The following PUS10 variants were observed in gnomAD, a reference collection of about 807,000 sequenced individuals.
PUS10 encodes tRNA pseudouridine synthase Pus10.
Under a neutral mutation model 75.0 loss-of-function variants are expected in PUS10, and 59 were observed. The ratio of observed to expected loss-of-function variants is 0.79; its 90% CI spans 0.64 to 0.98. The LOEUF (loss-of-function observed/expected upper bound fraction) is 0.98. Among genes scored for constraint, PUS10 ranks in the 50% least tolerant of loss-of-function variants. PUS10 has a pLI of 0.00. For missense variants in PUS10, 650 were observed against 614.4 expected, an observed-to-expected ratio of 1.06 and a Z score of -0.61; for synonymous variants, 219 against 211.6, an observed-to-expected ratio of 1.03 and a Z score of -0.30.
intron 4 of PUS10, among the ~76,000 whole-genome samples, chr2:60,987,462 A>G (rs1677793058): frequency 6.6e-6 from 1 of 152,178 alleles, no homozygotes; most frequent in Non-Finnish European, 1.5e-5. Flanking sequence ...AGGAAGAAGA[A>G]AAAAGGAACC....
chr2:60,986,050 T>G (rs1201677197), intron 4 of PUS10, among the ~76,000 whole-genome samples: 1 of 151,958 alleles, frequency 6.6e-6, no homozygotes, highest in African/African-American at 2.4e-5. Context: ...TTTGAATGGG[T>G]TGGGGAGGAT....
chr2:60,998,268 T>C (rs568543623), intron 4 of PUS10, among the ~76,000 whole-genome samples: 1 of 152,220 alleles, frequency 6.6e-6, no homozygotes, highest in Admixed American at 6.5e-5. Flanking sequence ...AGTATGTGCA[T>C]TTTTAGGACA....
intron 15 of PUS10, among the ~76,000 whole-genome samples, chr2:60,949,859 C>T (rs1054971557): frequency 5.9e-5 from 9 of 152,090 alleles, no homozygotes; most frequent in Non-Finnish European, 7.4e-5. Context: ...CTCAAGCAAT[C>T]CTCCTGCCTT....
intron 4 of PUS10, 98 bp downstream of exon 4, chr2:61,006,459 A>G: frequency 1.1e-6 from 1 of 893,556 alleles, no homozygotes. Context: ...CAAAATGTAA[A>G]AAATATAATA....
chr2:60,957,874 G>A (rs1675779336), intron 11 of PUS10, among the ~76,000 whole-genome samples: 1 of 152,260 alleles, frequency 6.6e-6, no homozygotes, highest in South Asian at 2.1e-4. Flanking sequence ...GACTCAGTAG[G>A]TTTGGTGCAC....
rs535729756 is a variant in PUS10 at position 61,005,742 on chromosome 2, A to G, written c.468+815T>C. ...CTTGTCAGCAACACAGATACTATAT[A>G]AAATCATTCTACCCTTTTTCGTTTC... On this transcript the variant is annotated intron_variant, in intron 4 of 17. Transcript: ENST00000316752. Among the ~76,000 whole-genome samples the G allele has an allele frequency of 3.9e-5, 6 of 152,328 alleles. 1 individual carries two copies. The highest frequency in any genetic ancestry group is 1.4e-4 in the African/African-American group (6 of 41,574).
chr2:61,010,574 C>T, intron 2 of PUS10: 1 of 410,026 alleles, frequency 2.4e-6, no homozygotes, highest in Non-Finnish European at 4.4e-6. Context: ...ATCCACCCGC[C>T]TCGGCCTCCC....
intron 1 of PUS10, among the ~76,000 whole-genome samples, chr2:61,016,729 T>G (rs1224869277): frequency 6.6e-6 from 1 of 152,128 alleles, no homozygotes; most frequent in East Asian, 1.9e-4. Flanking sequence ...CTTGGACGAT[T>G]ACAAAAACCA....
intron 3 of PUS10, among the ~76,000 whole-genome samples, chr2:61,007,387 A>C (rs1679286513): frequency 6.6e-6 from 1 of 152,074 alleles, no homozygotes; most frequent in African/African-American, 2.4e-5. Flanking sequence ...ACTTGAGCCC[A>C]GAGGTGGAGG....
rs979495776 is a variant in PUS10 at position 61,017,704 on chromosome 2, C to T, written c.-16+304G>A. 35 of 1,414,740 alleles carry T rather than the reference C, an allele frequency of 2.5e-5. No homozygotes were observed. The South Asian group carries it at 3.6e-4, about 15-fold the overall frequency. 87.6% of individuals were successfully genotyped at this position (1,414,740 alleles called of 1,614,324 possible). On this transcript the variant is annotated intron_variant, in intron 1 of 17. Coordinates refer to ENST00000316752, the MANE Select transcript of PUS10 (RefSeq NM_144709.4). ...TGTGTCTTACGCTCCAGGTGCTGGT[C>T]TACGCGGGCCTGGACAGTCAGGGGT...
Position 61,003,658 on chromosome 2 carries a change from C to T in PUS10, c.468+2899G>A, listed in dbSNP as rs538419993. 1.1e-3 allele frequency among the ~76,000 whole-genome samples: 164 copies of T among 151,174 alleles called. 4 individuals are homozygous for T. In the South Asian group the frequency reaches 0.033, roughly 30 times the overall value. On this transcript the variant is annotated intron_variant, in intron 4 of 17. Coordinates refer to ENST00000316752, the MANE Select transcript of PUS10 (RefSeq NM_144709.4). Reference sequence around the variant, plus strand: ...CCCCCAGGTCCAAGCAATCCCCCCACCTTGGTCTCCAGGGTAGCTGGGACT... The same window carrying T: ...CCCCCAGGTCCAAGCAATCCCCCCATCTTGGTCTCCAGGGTAGCTGGGACT...
At chr2:60,949,912 C>T (rs1675231387) in intron 15 of PUS10, among the ~76,000 whole-genome samples, 1 of 152,224 alleles carries the variant, frequency 6.6e-6, no homozygotes, top group African/African-American at 2.4e-5. Flanking sequence ...GCCACTGCCC[C>T]TGGCCTCAGC....
Position 60,951,551 on chromosome 2 carries a change from C to T in PUS10, c.1308+1446G>A, listed in dbSNP as rs80129497. 4.1e-3 allele frequency among the ~76,000 whole-genome samples: 631 copies of T among 152,224 alleles called. 7 individuals are homozygous for T. The highest frequency in any genetic ancestry group is 0.014 in the African/African-American group (583 of 41,526). On this transcript the variant is annotated intron_variant, in intron 15 of 17. Transcript: ENST00000316752. ...TAAGGAGCATGCAACCTAGATCCCT[C>T]GCACGTGTCATTTCCACGAGGGTTC...
intron 17 of PUS10, among the ~76,000 whole-genome samples, chr2:60,943,482 A>C (rs1337596190): frequency 6.6e-6 from 1 of 151,882 alleles, no homozygotes; most frequent in African/African-American, 2.4e-5. Flanking sequence ...AAAAAAAAAA[A>C]AAAACCCACC....
chr2:61,002,533 C>T (rs923812737), intron 4 of PUS10, among the ~76,000 whole-genome samples: 9 of 152,160 alleles, frequency 5.9e-5, no homozygotes, highest in South Asian at 2.1e-4. Flanking sequence ...CCGCAACCTC[C>T]GCCTCCTGGG....
At position 60,967,470 on chromosome 2, in the gene PUS10, G is replaced by A. The variant is rs780024371; in HGVS notation, c.615+32C>T. The A allele has an allele frequency of 1.5e-5, 21 of 1,383,450 alleles. No individual in the cohort carries two copies. In the African/African-American group the frequency reaches 2.9e-4, roughly 19 times the overall value. 85.7% of individuals were successfully genotyped at this position (1,383,450 alleles called of 1,614,324 possible). ...ATTAAGTAAAACTAGTAAAATCAGA[G>A]AATAAAATTAACAATGCTGTTGACC... On this transcript the variant is annotated intron_variant, in intron 6 of 17. Coordinates refer to ENST00000316752, the MANE Select transcript of PUS10 (RefSeq NM_144709.4).
chr2:61,013,865 A>T (rs1261190968), intron 1 of PUS10, among the ~76,000 whole-genome samples: 2 of 151,990 alleles, frequency 1.3e-5, no homozygotes, highest in African/African-American at 4.8e-5. Flanking sequence ...TCTCTACTAA[A>T]AATACAAAAA....
chr2:60,965,831 C>T (rs1428954853), intron 6 of PUS10: 1 of 169,462 alleles, frequency 5.9e-6, no homozygotes, highest in Non-Finnish European at 1.2e-5. Flanking sequence ...AATTATTCTG[C>T]CAATACTATG....
chr2:61,004,759 T>G (rs1003849771), intron 4 of PUS10, among the ~76,000 whole-genome samples: 2 of 152,174 alleles, frequency 1.3e-5, no homozygotes, highest in Non-Finnish European at 1.5e-5. Flanking sequence ...TGTACTTTCT[T>G]GAATTTTTAT....
Sources: allele counts gnomAD v4.1 joint callset (sites outside exome capture counted in the v4.1 genomes callset), GRCh38; gene constraint gnomAD v4.1.1; transcripts MANE v1.5; gene names NCBI Gene and HGNC (gene_info 2026-07-23, HGNC 2026-07-21).